The following SCFD2 variants were observed in gnomAD, a reference collection of about 807,000 sequenced individuals.
SCFD2 encodes the protein sec1 family domain containing 2.
SCFD2 carries 54 observed loss-of-function variants against 58.9 expected under a neutral mutation model. That is an observed-to-expected ratio of 0.92 (90% confidence interval 0.74 to 1.15). The LOEUF (loss-of-function observed/expected upper bound fraction) is 1.15. Ranked by LOEUF, SCFD2 falls within the 50% of genes most tolerant of loss-of-function variation. SCFD2 has a pLI of 0.00. For synonymous variants in SCFD2, 321 were observed against 335.9 expected (o/e 0.96, Z 0.49); for missense variants, 805 against 836.6 (o/e 0.96, Z 0.47).
At chr4:53,180,467 C>A (rs1219337017) in intron 4 of SCFD2, among the ~76,000 whole-genome samples, 2 of 151,926 alleles carry the variant, frequency 1.3e-5, no homozygotes, top group Non-Finnish European at 2.9e-5. Context: ...AACAAAGACA[C>A]AACATACCAG....
intron 3 of SCFD2, among the ~76,000 whole-genome samples, chr4:53,298,384 A>G (rs921473192): frequency 1.1e-4 from 17 of 152,182 alleles, no homozygotes; most frequent in Admixed American, 1.1e-3. Context: ...GCAAGGCAGT[A>G]GCGAGGCTGG....
At chr4:53,300,131 C>T (rs910268015) in intron 3 of SCFD2, among the ~76,000 whole-genome samples, 13 of 152,076 alleles carry the variant, frequency 8.5e-5, no homozygotes, top group Non-Finnish European at 1.9e-4. Flanking sequence ...GCTAAATGCT[C>T]CAATTAAAAG....
intron 5 of SCFD2, among the ~76,000 whole-genome samples, chr4:53,048,084 C>T (rs539890079): frequency 6.6e-6 from 1 of 152,304 alleles, no homozygotes; most frequent in Admixed American, 6.5e-5. Flanking sequence ...CGCGCAGTTG[C>T]TCAGACCTGT....
At chr4:53,178,517 G>A (rs373145686) in intron 4 of SCFD2, among the ~76,000 whole-genome samples, 1 of 152,066 alleles carries the variant, frequency 6.6e-6, no homozygotes, top group Non-Finnish European at 1.5e-5. Context: ...ATCATCAAAG[G>A]CCAAAGGTAG....
At chr4:53,317,040 G>GA (rs1254740239) in intron 2 of SCFD2, among the ~76,000 whole-genome samples, 1 of 151,136 alleles carries the variant, frequency 6.6e-6, no homozygotes, top group African/African-American at 2.4e-5. Context: ...CCGGGAGGTA[G>GA]AGGTTGCAGT....
intron 7 of SCFD2, among the ~76,000 whole-genome samples, chr4:52,903,003 T>C (rs1719242425): frequency 6.6e-6 from 1 of 152,204 alleles, no homozygotes; most frequent in South Asian, 2.1e-4. Flanking sequence ...AATAAAGATG[T>C]TAAATAGGAA....
intron 5 of SCFD2, chr4:52,948,395 C>A (rs749690356): frequency 1.0e-4 from 42 of 404,252 alleles, no homozygotes; most frequent in Non-Finnish European, 1.8e-4. Context: ...AGTCAAAGGG[C>A]CTGGACTCAC....
At chr4:52,891,587 T>C (rs1718878259) in intron 7 of SCFD2, among the ~76,000 whole-genome samples, 1 of 152,254 alleles carries the variant, frequency 6.6e-6, no homozygotes, top group Non-Finnish European at 1.5e-5. Flanking sequence ...CAGTAACCGT[T>C]CTACCTTTCA....
intron 5 of SCFD2, among the ~76,000 whole-genome samples, chr4:52,985,489 G>T (rs946145535): frequency 1.3e-5 from 2 of 151,946 alleles, no homozygotes; most frequent in South Asian, 4.2e-4. Context: ...TATCATCTTT[G>T]TATCTTTGGG....
intron 5 of SCFD2, among the ~76,000 whole-genome samples, chr4:53,092,241 GC>G (rs1560331670): frequency 6.6e-6 from 1 of 152,040 alleles, no homozygotes; most frequent in African/African-American, 2.4e-5. Flanking sequence ...ATTATAATTT[GC>G]CTGATAAAAC....
At chr4:53,108,147 A>G (rs1441015990) in intron 5 of SCFD2, among the ~76,000 whole-genome samples, 1 of 152,220 alleles carries the variant, frequency 6.6e-6, no homozygotes, top group Non-Finnish European at 1.5e-5. Flanking sequence ...AAATTAAGGC[A>G]GAAATAAATA....
chr4:52,883,704 A>G (rs1718671153), intron 8 of SCFD2, among the ~76,000 whole-genome samples: 1 of 152,228 alleles, frequency 6.6e-6, no homozygotes, highest in South Asian at 2.1e-4. Context: ...GGCAGCAAGA[A>G]GTGTGGTTTC....
At chr4:53,171,971 A>ATT (rs1727191869) in intron 4 of SCFD2, among the ~76,000 whole-genome samples, 1 of 148,650 alleles carries the variant, frequency 6.7e-6, no homozygotes, top group Non-Finnish European at 1.5e-5. Flanking sequence ...TTATTTATTT[A>ATT]TTTATTTTTA....
At chr4:53,303,397 A>C (rs557286817) in intron 3 of SCFD2, among the ~76,000 whole-genome samples, 1 of 152,210 alleles carries the variant, frequency 6.6e-6, no homozygotes. Context: ...CAAAACCACA[A>C]TGAGATACCA....
At chr4:53,018,492 G>A (rs1461408535) in intron 5 of SCFD2, among the ~76,000 whole-genome samples, 1 of 152,126 alleles carries the variant, frequency 6.6e-6, no homozygotes, top group Non-Finnish European at 1.5e-5. Flanking sequence ...CACTTCAGAG[G>A]CCAATTTCCT....
At chr4:53,216,635 T>C (rs1728848007) in intron 4 of SCFD2, among the ~76,000 whole-genome samples, 2 of 152,232 alleles carry the variant, frequency 1.3e-5, no homozygotes, top group South Asian at 4.1e-4. Flanking sequence ...GTTTTTTGTG[T>C]CGGTATCTAC....
chr4:52,945,410 T>C (rs1443446224), intron 5 of SCFD2, among the ~76,000 whole-genome samples: 1 of 152,180 alleles, frequency 6.6e-6, no homozygotes, highest in Non-Finnish European at 1.5e-5. Flanking sequence ...ACTTAAGATT[T>C]TCTCTCCCCA....
intron 4 of SCFD2, among the ~76,000 whole-genome samples, chr4:53,182,034 T>C (rs1474035067): frequency 6.6e-6 from 1 of 152,194 alleles, no homozygotes; most frequent in Non-Finnish European, 1.5e-5. Flanking sequence ...CATCCCATGC[T>C]CATGTCTAGG....
Position 53,329,872 on chromosome 4 carries a change from A to G in SCFD2, c.1008-16109T>C, listed in dbSNP as rs559729809. Among the ~76,000 whole-genome samples the G allele has an allele frequency of 3.8e-3, 577 of 152,164 alleles. 1 individual carries two copies. The highest frequency in any genetic ancestry group is 0.013 in the African/African-American group (546 of 41,524). On this transcript the variant is annotated intron_variant, in intron 2 of 8. Transcript: ENST00000401642. Reference sequence around the variant, plus strand: ...AAAAAATTTAGAAGAATGTATAACTAGAATAACCAATACAGAGAAGTGCTT... The same window carrying G: ...AAAAAATTTAGAAGAATGTATAACTGGAATAACCAATACAGAGAAGTGCTT...
Sources: gnomAD v4.1 joint callset for allele counts (sites outside exome capture counted in the v4.1 genomes callset) on GRCh38, gnomAD v4.1.1 for gene constraint, MANE v1.5 for transcripts, NCBI Gene and HGNC (gene_info 2026-07-23, HGNC 2026-07-21) for gene names.